SNX29: variants seen among roughly 807,000 people sequenced by gnomAD.
SNX29 encodes the protein sorting nexin-29.
SNX29 carries 78 observed loss-of-function variants against 102.1 expected under a neutral mutation model. The observed-to-expected ratio is 0.76, with a 90% CI of 0.64 to 0.92. The LOEUF (loss-of-function observed/expected upper bound fraction) is 0.92. Among genes scored for constraint, SNX29 ranks in the 40% least tolerant of loss-of-function variants. SNX29 has a pLI of 0.00. For synonymous variants in SNX29, 580 were observed against 414.5 expected, an observed-to-expected ratio of 1.40 and a Z score of -4.85; for missense variants, 1,280 against 1,061.7, an observed-to-expected ratio of 1.21 and a Z score of -2.86.
At chr16:12,476,735 T>G (rs2087672422) in intron 18 of SNX29, among the ~76,000 whole-genome samples, 1 of 152,142 alleles carries the variant, frequency 6.6e-6, no homozygotes, top group African/African-American at 2.4e-5. Context: ...TCCTTCCTCC[T>G]GTTCACAGAA....
intron 9 of SNX29, among the ~76,000 whole-genome samples, chr16:12,067,467 G>A (rs2051089273): frequency 1.3e-5 from 2 of 152,104 alleles, no homozygotes; most frequent in Admixed American, 1.3e-4. Flanking sequence ...TTCCATAGTG[G>A]TCATTCACTA....
intron 19 of SNX29, among the ~76,000 whole-genome samples, chr16:12,484,646 G>C (rs550543065): frequency 6.2e-4 from 94 of 152,106 alleles, no homozygotes; most frequent in African/African-American, 2.2e-3. Context: ...TCACCTCGGG[G>C]CCTTTGCACC....
intron 11 of SNX29, among the ~76,000 whole-genome samples, chr16:12,111,011 T>C (rs2053480776): frequency 6.6e-6 from 1 of 152,032 alleles, no homozygotes; most frequent in African/African-American, 2.4e-5. Flanking sequence ...AGATAGGGTC[T>C]GTAGTGAGCT....
At chr16:12,078,272 T>G (rs1449369271) in intron 10 of SNX29, among the ~76,000 whole-genome samples, 2 of 151,554 alleles carry the variant, frequency 1.3e-5, no homozygotes. Context: ...GTCAGGACTT[T>G]GAGACCAGTC....
At chr16:12,532,976 C>G (rs114353194) in intron 20 of SNX29, among the ~76,000 whole-genome samples, 1 of 152,222 alleles carries the variant, frequency 6.6e-6, no homozygotes, top group Non-Finnish European at 1.5e-5. Context: ...TGGCGCAGCA[C>G]GGCTGTGGTG....
intron 20 of SNX29, among the ~76,000 whole-genome samples, chr16:12,566,493 T>G (rs2079015520): frequency 6.6e-6 from 1 of 152,218 alleles, no homozygotes; most frequent in African/African-American, 2.4e-5. Flanking sequence ...TGATGGTGGT[T>G]GCAGGCTAAG....
At chr16:12,386,024 G>A (rs758025241) in intron 16 of SNX29, among the ~76,000 whole-genome samples, 3 of 152,218 alleles carry the variant, frequency 2.0e-5, no homozygotes, top group Admixed American at 6.5e-5. Context: ...AGGCAGGGGC[G>A]GCCTCAGCTG....
intron 14 of SNX29, among the ~76,000 whole-genome samples, chr16:12,219,253 A>G (rs965027843): frequency 6.1e-5 from 9 of 147,408 alleles, no homozygotes; most frequent in African/African-American, 2.3e-4. Flanking sequence ...TTTGATCTAC[A>G]TCATCTTTTT....
At chr16:12,432,745 A>AG (rs2085365150) in intron 18 of SNX29, among the ~76,000 whole-genome samples, 1 of 152,208 alleles carries the variant, frequency 6.6e-6, no homozygotes. Context: ...AGGGAAAAAA[A>AG]GTTGACGAGA....
intron 3 of SNX29, among the ~76,000 whole-genome samples, chr16:12,019,800 C>CT (rs535035670): frequency 2.6e-5 from 4 of 151,420 alleles, no homozygotes; most frequent in East Asian, 1.9e-4. Context: ...CCACACCCGA[C>CT]TTTTTTTTGT....
intron 14 of SNX29, among the ~76,000 whole-genome samples, chr16:12,220,378 G>A (rs1429490754): frequency 6.6e-6 from 1 of 152,094 alleles, no homozygotes; most frequent in Non-Finnish European, 1.5e-5. Context: ...AAAGCCCTGG[G>A]AGGTTAGGGG....
At chr16:12,264,459 A>G (rs937996853) in intron 14 of SNX29, among the ~76,000 whole-genome samples, 1 of 152,240 alleles carries the variant, frequency 6.6e-6, no homozygotes, top group East Asian at 1.9e-4. Flanking sequence ...GAATTGCAGA[A>G]GTCACATGTG....
intron 18 of SNX29, among the ~76,000 whole-genome samples, chr16:12,469,052 C>T (rs1040744789): frequency 8.5e-5 from 13 of 152,124 alleles, no homozygotes; most frequent in South Asian, 2.1e-4. Context: ...GTTACGGTAC[C>T]ACGGTTCCAG....
intron 15 of SNX29, among the ~76,000 whole-genome samples, chr16:12,295,791 C>T: frequency 6.6e-6 from 1 of 151,934 alleles, no homozygotes; most frequent in Admixed American, 6.6e-5. Flanking sequence ...TCCTCACTCC[C>T]TTCAAGTAGA....
intron 16 of SNX29, among the ~76,000 whole-genome samples, chr16:12,383,232 G>A (rs981028386): frequency 1.3e-5 from 2 of 152,096 alleles, no homozygotes; most frequent in African/African-American, 4.8e-5. Context: ...TCCTGTTAGG[G>A]TGGAAAGATA....
intron 19 of SNX29, among the ~76,000 whole-genome samples, chr16:12,519,237 C>G (rs1339713978): frequency 1.3e-5 from 2 of 152,190 alleles, no homozygotes; most frequent in Non-Finnish European, 2.9e-5. Context: ...GTCTGTGGAC[C>G]TCCGTGAACA....
At chr16:12,314,692 G>A (rs1164721785) in intron 15 of SNX29, among the ~76,000 whole-genome samples, 3 of 152,204 alleles carry the variant, frequency 2.0e-5, no homozygotes, top group Non-Finnish European at 2.9e-5. Flanking sequence ...TGATTCTACA[G>A]CTTGGTGGAT....
At chr16:11,994,045 C>A (rs1353140916) in intron 1 of SNX29, among the ~76,000 whole-genome samples, 1 of 152,166 alleles carries the variant, frequency 6.6e-6, no homozygotes, top group Non-Finnish European at 1.5e-5. Context: ...CGCTTGAACC[C>A]AGGAGGCAGA....
chr16:12,420,661 G>T (rs2084836735), intron 18 of SNX29, among the ~76,000 whole-genome samples: 1 of 152,214 alleles, frequency 6.6e-6, no homozygotes, highest in Admixed American at 6.5e-5. Flanking sequence ...TGACCTCACA[G>T]AGTTGATATA....
Sources: allele counts gnomAD v4.1 joint callset (sites outside exome capture counted in the v4.1 genomes callset), GRCh38; gene constraint gnomAD v4.1.1; transcripts MANE v1.5; gene names NCBI Gene and HGNC (gene_info 2026-07-23, HGNC 2026-07-21).